ANKRD18A: variants seen among roughly 807,000 people sequenced by gnomAD.
The protein encoded by ANKRD18A is ankyrin repeat domain 18A.
ANKRD18A carries 72 observed loss-of-function variants against 110.6 expected under a neutral mutation model. The observed-to-expected ratio is 0.65, with a 90% CI of 0.54 to 0.79. The LOEUF (loss-of-function observed/expected upper bound fraction) is 0.79, where lower values mean the gene tolerates loss of function less well. Ranked by LOEUF, ANKRD18A falls within the 30% of genes least tolerant of loss-of-function variation. The pLI is 0.00. For missense variants in ANKRD18A, 934 were observed against 1,163.3 expected, an observed-to-expected ratio of 0.80 and a Z score of 2.87; for synonymous variants, 305 against 410.3, an observed-to-expected ratio of 0.74 and a Z score of 3.10.
At chr9:38,576,949 A>T in intron 14 of ANKRD18A, 104 bp downstream of exon 14, 4 of 924,066 alleles carry the variant, frequency 4.3e-6, no homozygotes, top group Non-Finnish European at 6.5e-6. Flanking sequence ...TCAAATTAGC[A>T]TTCACTTCCT....
intron 10 of ANKRD18A, among the ~76,000 whole-genome samples, chr9:38,592,097 C>T (rs1327561276): frequency 6.6e-6 from 1 of 152,192 alleles, no homozygotes; most frequent in Non-Finnish European, 1.5e-5. Flanking sequence ...CTGAGAAAAA[C>T]ATGAGCATTT....
downstream of ANKRD18A, among the ~76,000 whole-genome samples, chr9:38,569,822 G>C (rs1823575554): frequency 6.6e-6 from 1 of 152,122 alleles, no homozygotes; most frequent in South Asian, 2.1e-4. Context: ...CTCCACTGAG[G>C]GTGGTCCTGG....
At chr9:38,584,027 G>A (rs141110706) in intron 12 of ANKRD18A, among the ~76,000 whole-genome samples, 8,071 of 152,280 alleles carry the variant, frequency 0.053, 258 homozygotes, top group African/African-American at 0.089. Flanking sequence ...AGGAATTCAC[G>A]CCTTATGCAG....
intron 6 of ANKRD18A, chr9:38,604,186 T>G (rs1405723424): frequency 1.3e-5 from 2 of 150,510 alleles, no homozygotes; most frequent in Non-Finnish European, 3.0e-5. Flanking sequence ...TTGTCCCAGC[T>G]CCTCGGGAGG....
chr9:38,610,381 T>C lies in ANKRD18A; in HGVS notation c.632A>G (p.Asn211Ser). The change falls in exon 5 of 16, where the codon AAC (asparagine) becomes AGC (serine). Residue 211 changes from asparagine (N) to serine (S), a missense_variant. Coordinates refer to ENST00000399703, the MANE Select transcript of ANKRD18A (RefSeq NM_147195.4). ...CAGGAGGGTGACGATACTTGACAAG[T>C]TATGCTGTACTGCAAGTATGAGGGC... ...RTALILAVQH[N>S]LSSIVTLLLQ... 6.5e-7 allele frequency: 1 copy of C among 1,550,108 alleles called. No homozygotes were observed. Among genetic ancestry groups the C allele is most frequent in the Non-Finnish European group, 8.7e-7 (1 of 1,146,520 alleles).
intron 12 of ANKRD18A, among the ~76,000 whole-genome samples, chr9:38,580,173 A>T (rs1824094789): frequency 6.6e-6 from 1 of 152,204 alleles, no homozygotes; most frequent in Admixed American, 6.5e-5. Context: ...TGAAAGACCG[A>T]GGCAGGAGAA....
intron 6 of ANKRD18A, among the ~76,000 whole-genome samples, chr9:38,605,429 A>T (rs1287316078): frequency 6.6e-6 from 1 of 152,148 alleles, no homozygotes; most frequent in Non-Finnish European, 1.5e-5. Flanking sequence ...GCCAAACCTA[A>T]CTTATAGAAG....
chr9:38,592,615 C>T (rs1485949838), intron 10 of ANKRD18A, among the ~76,000 whole-genome samples: 1 of 152,018 alleles, frequency 6.6e-6, no homozygotes, highest in Non-Finnish European at 1.5e-5. Flanking sequence ...TATGTCCATA[C>T]AATAACCTGT....
chr9:38,571,111 T>C (rs1823624844), downstream of ANKRD18A: 1 of 1,526,732 alleles, frequency 6.5e-7, no homozygotes, highest in Non-Finnish European at 8.7e-7. Flanking sequence ...CCTTTGCTAG[T>C]TTCTTGGTAC....
chr9:38,614,394 C>T (rs1825771815), intron 3 of ANKRD18A, among the ~76,000 whole-genome samples: 1 of 152,026 alleles, frequency 6.6e-6, no homozygotes, highest in African/African-American at 2.4e-5. Flanking sequence ...GCAATCCTCC[C>T]ACCTCAGCCT....
At position 38,620,369 on chromosome 9, in the gene ANKRD18A, T is replaced by G. The variant is rs1826041064; in HGVS notation, c.-84A>C. 2 of 1,278,428 alleles carry G rather than the reference T, an allele frequency of 1.6e-6. No individual in the cohort carries two copies. The highest frequency in any genetic ancestry group is 3.0e-5 in the Admixed American group (1 of 33,324). The allele number at this position is 1,278,428 out of a possible 1,614,324, so 79.2% of individuals were successfully genotyped here. A position where few individuals can be genotyped will look rare whatever the true frequency, so the allele number is the denominator to read the frequency against. On this transcript the variant is annotated 5_prime_UTR_variant, in exon 1 of 16. Coordinates refer to ENST00000399703, the MANE Select transcript of ANKRD18A (RefSeq NM_147195.4). ...CTTTCCACCCCCACTCCGCCCCAAATCCGCGATCTCCCCCGCAACCCGCGA... is the reference window on the plus strand; with the variant it reads ...CTTTCCACCCCCACTCCGCCCCAAAGCCGCGATCTCCCCCGCAACCCGCGA...
chr9:38,611,700 T>C (rs1825628167), intron 3 of ANKRD18A, among the ~76,000 whole-genome samples: 1 of 152,132 alleles, frequency 6.6e-6, no homozygotes, highest in Non-Finnish European at 1.5e-5. Context: ...TAGTAGCGAA[T>C]GCTTTAAGTT....
chr9:38,620,514 C>T lies in ANKRD18A; in HGVS notation c.-229G>A, dbSNP rs1563982729. 2.1e-6 allele frequency: 3 copies of T among 1,408,252 alleles called. No individual in the cohort carries two copies. The highest frequency in any genetic ancestry group is 2.8e-6 in the Non-Finnish European group (3 of 1,082,230). The allele number at this position is 1,408,252 out of a possible 1,614,324, so 87.2% of individuals were successfully genotyped here. On this transcript the variant is annotated 5_prime_UTR_variant, in exon 1 of 16. Transcript: ENST00000399703. The stretch of plus-strand genomic sequence containing the variant: ...AGCCTTCAGCAGCGACACTCGCAGA[C>T]TCCGACCTCTCAGACCGAGTGAGCC...
At chr9:38,570,014 G>T (rs1397634194), downstream of ANKRD18A, among the ~76,000 whole-genome samples, 1 of 152,146 alleles carries the variant, frequency 6.6e-6, no homozygotes, top group East Asian at 1.9e-4. Flanking sequence ...ACAGATGGAG[G>T]CAAAGAGGCT....
At chr9:38,616,086 T>C in intron 1 of ANKRD18A, 42 bp from the exon 2 acceptor site, 1 of 1,436,410 alleles carries the variant, frequency 7.0e-7, no homozygotes, top group Non-Finnish European at 9.4e-7. Context: ...TAGTGCAATA[T>C]CTCAAAACCT....
In ANKRD18A at chr9:38,597,837, G is replaced by C. The variant is rs544763645; in HGVS notation, c.937-1434C>G. Among the ~76,000 whole-genome samples the C allele has an allele frequency of 5.3e-5, 8 of 152,114 alleles. No homozygotes were observed. In the East Asian group the frequency reaches 1.5e-3, roughly 29 times the overall value. The stretch of plus-strand genomic sequence containing the variant: ...GCTAAATTTTTGGCTGAGGAGTTAC[G>C]CTACTTATATGATAAAATCATACAT... On this transcript the variant is annotated intron_variant, in intron 8 of 15. Transcript: ENST00000399703.
At position 38,578,043 on chromosome 9, in the gene ANKRD18A, G is replaced by C; in HGVS notation, c.2353C>G (p.Gln785Glu). The C allele has an allele frequency of 6.4e-7, 1 of 1,551,168 alleles. No homozygotes were observed. Among genetic ancestry groups the C allele is most frequent in the Non-Finnish European group, 8.7e-7 (1 of 1,146,588 alleles). The change falls in exon 13 of 16, where the codon CAA becomes GAA. Residue 785 changes from glutamine (Q) to glutamate (E), a missense_variant. Gln to Glu is a conservative substitution (Grantham distance 29). This residue lies in a region of ANKRD18A where 79 missense variants were observed against 122.8 expected (regional missense o/e 0.64). Coordinates refer to ENST00000399703, the MANE Select transcript of ANKRD18A (RefSeq NM_147195.4). ...TTCTCAAGTTTTTCACATTTCTCTT[G>C]TACATTTCTCATAGATAATAACTCC... The part of the protein sequence containing the change: ...HQELLSMRNV[Q>E]EKCEKLEKDK...
rs1826023669 is a variant in ANKRD18A at position 38,620,102 on chromosome 9, C to T, written c.184G>A (p.Asp62Asn). 1 of 1,555,804 alleles carries T rather than the reference C, an allele frequency of 6.4e-7. No homozygotes were observed. Among genetic ancestry groups the T allele is most frequent in the Non-Finnish European group, 8.7e-7 (1 of 1,149,652 alleles). The stretch of plus-strand genomic sequence containing the variant: ...TACCTGTCTTTTCTGTCGCGGGCGT[C>T]CAAGTCCCGGAACCTGCGCGTCAGG... ...RCLTRRFRDL[D>N]ARDRKDRTVL... The change falls in exon 1 of 16, where the codon GAC (aspartate) becomes AAC (asparagine). Residue 62 changes from aspartate to asparagine, a missense_variant. Around this residue, in one of 4 missense-constraint regions of ANKRD18A, gnomAD observed 630 missense variants for 797.5 expected, o/e 0.79. Transcript: ENST00000399703.
intron 3 of ANKRD18A, among the ~76,000 whole-genome samples, chr9:38,614,613 C>T (rs150194400): frequency 0.014 from 2,147 of 152,274 alleles, 60 homozygotes; most frequent in African/African-American, 0.049. Flanking sequence ...ACTTCAGTTT[C>T]ATCTCTCACC....
Sources: gnomAD v4.1 joint callset for allele counts (sites outside exome capture counted in the v4.1 genomes callset) on GRCh38, gnomAD v4.1.1 for gene constraint, gnomAD v4.1.1 regional missense constraint, MANE v1.5 for transcripts, NCBI Gene and HGNC (gene_info 2026-07-23, HGNC 2026-07-21) for gene names.